NCOR1: variants seen among roughly 807,000 people sequenced by gnomAD.
The protein encoded by NCOR1 is nuclear receptor corepressor 1.
Under a neutral mutation model 288.1 loss-of-function variants are expected in NCOR1, and 63 were observed. That is an observed-to-expected ratio of 0.22 (90% CI 0.18 to 0.27). The LOEUF is 0.27. NCOR1 is among the 10% of genes least tolerant of loss of function. The pLI is 1.00. For synonymous variants in NCOR1, 1,007 were observed against 1,065.9 expected, an observed-to-expected ratio of 0.94 and a Z score of 1.08; for missense variants, 2,397 against 3,019.2, an observed-to-expected ratio of 0.79 and a Z score of 4.83.
At position 16,067,948 on chromosome 17, in the gene NCOR1, G is replaced by C; in HGVS notation, c.4687C>G (p.His1563Asp). The change falls in exon 32 of 46, where the codon CAC becomes GAC. Residue 1563 changes from histidine (H) to aspartate (D), a missense_variant. Around this residue, in one of 11 missense-constraint regions of NCOR1, gnomAD observed 1,872 missense variants for 2,187.8 expected, o/e 0.86. Coordinates refer to ENST00000268712, the MANE Select transcript of NCOR1 (RefSeq NM_006311.4). ...GCTGGATCCAAGTGCGTGGGCAGGT[G>C]GCTCCGATAAACCTCGCCTGCAGTG... ...GSTAGEVYRS[H>D]LPTHLDPAMP... 6.2e-7 allele frequency: 1 copy of C among 1,614,184 alleles called. No homozygotes were observed. The highest frequency in any genetic ancestry group is 8.5e-7 in the Non-Finnish European group (1 of 1,180,036).
intron 3 of NCOR1, among the ~76,000 whole-genome samples, chr17:16,177,385 T>G (rs2084412110): frequency 6.6e-6 from 1 of 152,210 alleles, no homozygotes; most frequent in Non-Finnish European, 1.5e-5. Context: ...TGGCATACTA[T>G]GTTGCTTTAA....
chr17:16,154,248 CTTGCTAA>C (rs2079345485), intron 6 of NCOR1, among the ~76,000 whole-genome samples: 1 of 151,994 alleles, frequency 6.6e-6, no homozygotes, highest in African/African-American at 2.4e-5. Flanking sequence ...AAAATCTTCC[CTTGCTAA>C]GATTAATCTA....
chr17:16,104,361 T>G (rs1416367561), intron 19 of NCOR1, among the ~76,000 whole-genome samples: 1 of 152,260 alleles, frequency 6.6e-6, no homozygotes, highest in Non-Finnish European at 1.5e-5. Context: ...TATGATGAAG[T>G]GTCAACTATG....
At chr17:16,065,052 G>A in intron 33 of NCOR1, 33 bp from the exon 34 acceptor site, 1 of 1,601,192 alleles carries the variant, frequency 6.2e-7, no homozygotes, top group Non-Finnish European at 8.5e-7. Flanking sequence ...TATGTTAAGT[G>A]TTATTCTAAA....
intron 3 of NCOR1, among the ~76,000 whole-genome samples, chr17:16,182,485 C>T (rs145786774): frequency 0.038 from 5,841 of 152,204 alleles, 117 homozygotes; most frequent in East Asian, 0.07. Context: ...GACGGAGTCT[C>T]GCTCTGTCAC....
chr17:16,152,165 T>A lies in NCOR1; in HGVS notation c.790-167A>T, dbSNP rs992880202. Among the ~76,000 whole-genome samples, 5 of 152,344 alleles carry A rather than the reference T, an allele frequency of 3.3e-5. No homozygotes were observed. The South Asian group carries it at 8.3e-4, about 25-fold the overall frequency. ...TTATTTTTTTATTTACTTATTTTTT[T>A]AAATTATACTTTAAGTTCTAGGGTA... On this transcript the variant is annotated intron_variant, in intron 7 of 45. Coordinates refer to ENST00000268712, the MANE Select transcript of NCOR1 (RefSeq NM_006311.4).
intron 11 of NCOR1, 131 bp downstream of exon 11, chr17:16,143,475 A>G (rs2153307741): frequency 1.5e-6 from 1 of 655,426 alleles, no homozygotes; most frequent in East Asian, 2.9e-5. Context: ...CAGACACTCA[A>G]ATCTTTGACA....
At chr17:16,192,817 T>C (rs549637144) in intron 2 of NCOR1, among the ~76,000 whole-genome samples, 113 of 152,266 alleles carry the variant, frequency 7.4e-4, no homozygotes, top group Non-Finnish European at 1.5e-3. Flanking sequence ...AAAACTGGAA[T>C]AGGTGATTGG....
intron 18 of NCOR1, among the ~76,000 whole-genome samples, chr17:16,116,183 G>T (rs928769640): frequency 6.6e-6 from 1 of 152,192 alleles, no homozygotes; most frequent in Non-Finnish European, 1.5e-5. Flanking sequence ...CCTGCCCCAT[G>T]ATTCAATTAT....
At chr17:16,050,558 G>T (rs2059189444) in intron 40 of NCOR1, among the ~76,000 whole-genome samples, 1 of 152,140 alleles carries the variant, frequency 6.6e-6, no homozygotes, top group South Asian at 2.1e-4. Context: ...TTATGCATAT[G>T]AAAGCCACCT....
At chr17:16,074,483 A>G (rs932274216) in intron 27 of NCOR1, among the ~76,000 whole-genome samples, 4 of 152,240 alleles carry the variant, frequency 2.6e-5, no homozygotes, top group South Asian at 2.1e-4. Flanking sequence ...TGATATGGAC[A>G]ACGTACATTA....
At chr17:16,094,741 T>G (rs2066048027) in intron 21 of NCOR1, among the ~76,000 whole-genome samples, 1 of 152,180 alleles carries the variant, frequency 6.6e-6, no homozygotes, top group African/African-American at 2.4e-5. Context: ...GTTTTCGTAT[T>G]TTTTTGGTGG....
intron 19 of NCOR1, among the ~76,000 whole-genome samples, chr17:16,103,377 A>G (rs944867643): frequency 6.6e-6 from 1 of 152,232 alleles, no homozygotes; most frequent in Non-Finnish European, 1.5e-5. Flanking sequence ...ACTCCACTTC[A>G]GACCATTCTT....
At chr17:16,183,055 T>C (rs2085832327) in intron 3 of NCOR1, among the ~76,000 whole-genome samples, 1 of 151,858 alleles carries the variant, frequency 6.6e-6, no homozygotes, top group African/African-American at 2.4e-5. Context: ...AGGCCATTTG[T>C]GAAAATTCCA....
chr17:16,213,418 G>A (rs1051272958), intron 1 of NCOR1, among the ~76,000 whole-genome samples: 1 of 147,046 alleles, frequency 6.8e-6, no homozygotes, highest in African/African-American at 2.5e-5. Flanking sequence ...GCTTGAACCC[G>A]GAGGCGGAGG....
chr17:16,044,677 T>G (rs555656067), intron 42 of NCOR1: 1 of 668,850 alleles, frequency 1.5e-6, no homozygotes, highest in African/African-American at 1.8e-5. Context: ...TGCATGACAA[T>G]GAGGTGACCA....
At chr17:16,063,516 C>T (rs116561086) in intron 35 of NCOR1, among the ~76,000 whole-genome samples, 195 of 152,170 alleles carry the variant, frequency 1.3e-3, no homozygotes, top group Middle Eastern at 6.8e-3. Flanking sequence ...TATTCCTAGA[C>T]GTGGAATTAC....
At chr17:16,056,648 G>GCTTGTTAACT (rs1396995141) in intron 40 of NCOR1, among the ~76,000 whole-genome samples, 15 of 151,868 alleles carry the variant, frequency 9.9e-5, no homozygotes, top group Non-Finnish European at 2.9e-5. Context: ...TTCCCTTTGT[G>GCTTGTTAACT]CTTGTTAACT....
At chr17:16,191,032 G>T (rs948139982) in intron 2 of NCOR1, among the ~76,000 whole-genome samples, 3 of 152,224 alleles carry the variant, frequency 2.0e-5, no homozygotes, top group Non-Finnish European at 2.9e-5. Flanking sequence ...ACTTCCAGAA[G>T]TTAGTTTCAA....
Sources: gnomAD v4.1 joint callset for allele counts (sites outside exome capture counted in the v4.1 genomes callset) on GRCh38, gnomAD v4.1.1 for gene constraint, gnomAD v4.1.1 regional missense constraint, MANE v1.5 for transcripts, NCBI Gene and HGNC (gene_info 2026-07-23, HGNC 2026-07-21) for gene names.